Variants in GPLD1 observed in about 807,000 individuals in gnomAD.
The protein encoded by GPLD1 is glycosylphosphatidylinositol specific phospholipase D1.
Under a neutral mutation model 112.6 loss-of-function variants are expected in GPLD1, and 84 were observed. The ratio of observed to expected loss-of-function variants is 0.75; its 90% CI spans 0.63 to 0.89. The LOEUF (loss-of-function observed/expected upper bound fraction) is 0.89, where lower values mean the gene tolerates loss of function less well. GPLD1 is among the 40% of genes least tolerant of loss of function. The pLI, the probability that GPLD1 is intolerant of heterozygous loss-of-function variation, is 0.00. For synonymous variants in GPLD1, 386 were observed against 403.8 expected (o/e 0.96, Z 0.53); for missense variants, 1,044 against 1,051.5 (o/e 0.99, Z 0.10).
chr6:24,446,757 C>G, intron 18 of GPLD1, 81 bp downstream of exon 18: 1 of 1,347,072 alleles, frequency 7.4e-7, no homozygotes, highest in Non-Finnish European at 1.0e-6. Context: ...CCTTTTCCCT[C>G]AGCCTCATGC....
At chr6:24,455,001 C>T (rs79026380) in intron 13 of GPLD1, among the ~76,000 whole-genome samples, 2 of 152,164 alleles carry the variant, frequency 1.3e-5, no homozygotes, top group East Asian at 1.9e-4. Context: ...TGGTGGCAGG[C>T]GCCTGTAATC....
chr6:24,450,815 T>C (rs1763055934), intron 14 of GPLD1, among the ~76,000 whole-genome samples: 1 of 151,868 alleles, frequency 6.6e-6, no homozygotes, highest in South Asian at 2.1e-4. Flanking sequence ...CTACTAAAAA[T>C]ACAAAAATTA....
At chr6:24,441,092 C>T (rs909106417) in intron 20 of GPLD1, among the ~76,000 whole-genome samples, 2 of 151,760 alleles carry the variant, frequency 1.3e-5, no homozygotes, top group African/African-American at 4.8e-5. Flanking sequence ...CACCTGACAT[C>T]GGGAGTTTGA....
rs771230989 is a variant in GPLD1, at chr6:24,436,629, C to T, written c.2305G>A (p.Gly769Ser). The change falls in exon 22 of 25, where the codon GGT (glycine) becomes AGT (serine). Residue 769 changes from glycine (G) to serine (S), a missense_variant. Coordinates refer to ENST00000230036, the MANE Select transcript of GPLD1 (RefSeq NM_001503.4). ...GATTTGCATTTGCCAGTCATGTCAC[C>T]AAGGGTGGTCTCTTTGCCATTATAT... ...YVYNGKETTL[G>S]DMTGKCKSWI... 1 of 1,613,950 alleles carries T rather than the reference C, an allele frequency of 6.2e-7. No homozygotes were observed. The highest frequency in any genetic ancestry group is 1.3e-5 in the African/African-American group (1 of 74,918).
intron 13 of GPLD1, among the ~76,000 whole-genome samples, 196 bp downstream of exon 13, chr6:24,456,302 G>A (rs1763266029): frequency 6.6e-6 from 1 of 152,114 alleles, no homozygotes; most frequent in Non-Finnish European, 1.5e-5. Flanking sequence ...GGAAGCTGAG[G>A]CAGAGAATCA....
intron 21 of GPLD1, among the ~76,000 whole-genome samples, 173 bp from the exon 22 acceptor site, chr6:24,436,909 G>A (rs1056610682): frequency 6.6e-6 from 1 of 152,138 alleles, no homozygotes; most frequent in Non-Finnish European, 1.5e-5. Context: ...TTCATCAATA[G>A]CAATTACTAC....
chr6:24,447,687 G>A (rs1400590505), intron 17 of GPLD1, among the ~76,000 whole-genome samples, 190 bp downstream of exon 17: 1 of 152,068 alleles, frequency 6.6e-6, no homozygotes, highest in East Asian at 1.9e-4. Flanking sequence ...AGAAACTGTG[G>A]GTCACCTTTT....
At chr6:24,466,859 C>A (rs373792546) in intron 9 of GPLD1, 40 bp from the exon 10 acceptor site, 1 of 1,592,700 alleles carries the variant, frequency 6.3e-7, no homozygotes, top group Non-Finnish European at 8.6e-7. Flanking sequence ...GAATATGGTA[C>A]TATTCCTGGT....
In GPLD1 at chr6:24,433,231, A is replaced by C. The variant is rs756638899; in HGVS notation, c.2392T>G (p.Ser798Ala). ...QYVLISPEASSRFGSSLITVR... is the reference protein window; with the variant it reads ...QYVLISPEASARFGSSLITVR... ...GTGATGAGGGAGCTCCCAAACCTTG[A>C]GCTGGCCTGTAAAACATGCCGTCTG... The change falls in exon 24 of 25, where the codon TCA becomes GCA. Residue 798 changes from serine (S) to alanine (A), a missense_variant. Physicochemically the swap from Ser to Ala is moderately conservative, Grantham distance 99 (BLOSUM62 1). Transcript: ENST00000230036. 6.2e-7 allele frequency: 1 copy of C among 1,613,150 alleles called. No individual in the cohort carries two copies. Among genetic ancestry groups the C allele is most frequent in the Non-Finnish European group, 8.5e-7 (1 of 1,179,094 alleles).
intron 2 of GPLD1, among the ~76,000 whole-genome samples, chr6:24,482,331 A>G (rs1382316004): frequency 6.6e-6 from 1 of 151,728 alleles, no homozygotes; most frequent in Non-Finnish European, 1.5e-5. Flanking sequence ...CCCAGGCTAG[A>G]GTGCAATGGC....
chr6:24,466,639 G>T, intron 10 of GPLD1, 41 bp downstream of exon 10: 2 of 1,558,944 alleles, frequency 1.3e-6, no homozygotes, highest in Non-Finnish European at 1.8e-6. Flanking sequence ...GGGGTAAAAA[G>T]GCAGAGAGTG....
intron 12 of GPLD1, among the ~76,000 whole-genome samples, chr6:24,459,253 T>TG (rs1763358178): frequency 6.6e-6 from 1 of 151,778 alleles, no homozygotes; most frequent in African/African-American, 2.4e-5. Flanking sequence ...CCTGCTATTT[T>TG]TTTTTTGTTT....
intron 10 of GPLD1, among the ~76,000 whole-genome samples, chr6:24,465,196 C>CAAAAA (rs34368143): frequency 1.4e-4 from 14 of 101,262 alleles, no homozygotes; most frequent in East Asian, 3.2e-4. Flanking sequence ...GACTCTGTCT[C>CAAAAA]AAAAAAAAAA....
chr6:24,445,489 C>G, intron 20 of GPLD1, 57 bp downstream of exon 20: 2 of 1,088,010 alleles, frequency 1.8e-6, no homozygotes, highest in Non-Finnish European at 1.4e-6. Flanking sequence ...TCCAATACGA[C>G]ATGTACAAGC....
At chr6:24,440,183 T>C (rs984763354) in intron 20 of GPLD1, among the ~76,000 whole-genome samples, 1 of 136,052 alleles carries the variant, frequency 7.4e-6, no homozygotes, top group African/African-American at 2.7e-5. Context: ...TTGCCAGGCA[T>C]GATGGCTCAT....
At chr6:24,454,561 G>A (rs543964053) in intron 13 of GPLD1, among the ~76,000 whole-genome samples, 24 of 152,326 alleles carry the variant, frequency 1.6e-4, no homozygotes, top group Non-Finnish European at 3.2e-4. Context: ...AGCCAATGGC[G>A]CAGGCCACTT....
intron 7 of GPLD1, 149 bp downstream of exon 7, chr6:24,472,433 C>T (rs1289958805): frequency 1.8e-5 from 10 of 543,850 alleles, no homozygotes; most frequent in Admixed American, 3.5e-5. Flanking sequence ...CTCAAAGAAT[C>T]TAAACTATGC....
chr6:24,451,858 G>A (rs1400795701), intron 14 of GPLD1, among the ~76,000 whole-genome samples: 1 of 152,200 alleles, frequency 6.6e-6, no homozygotes, highest in Non-Finnish European at 1.5e-5. Flanking sequence ...CTAGGGCAGG[G>A]TGGGAACCAA....
chr6:24,462,908 A>C (rs1581762926), intron 10 of GPLD1, 113 bp from the exon 11 acceptor site: 1 of 779,612 alleles, frequency 1.3e-6, no homozygotes. Flanking sequence ...AGTGTTTATT[A>C]CCTAGCCATA....
Sources: gnomAD v4.1 joint callset for allele counts (sites outside exome capture counted in the v4.1 genomes callset) on GRCh38, gnomAD v4.1.1 for gene constraint, MANE v1.5 for transcripts, NCBI Gene and HGNC (gene_info 2026-07-23, HGNC 2026-07-21) for gene names.